The following NINJ2 variants were observed in gnomAD, a reference collection of about 807,000 sequenced individuals.
The protein encoded by NINJ2 is ninjurin-2.
In NINJ2, 12 loss-of-function variants were observed where a neutral mutation model predicts 11.7. The observed-to-expected ratio is 1.02, with a 90% confidence interval of 0.66 to 1.66. NINJ2 has a LOEUF of 1.66. Ranked by LOEUF, NINJ2 falls within the 40% of genes most tolerant of loss-of-function variation. The pLI is 0.00. For synonymous variants in NINJ2, 93 were observed against 76.8 expected, an observed-to-expected ratio of 1.21 and a Z score of -1.10; for missense variants, 187 against 181.8, an observed-to-expected ratio of 1.03 and a Z score of -0.16.
chr12:659,593 G>T (rs754673611), intron 1 of NINJ2, among the ~76,000 whole-genome samples: 2 of 152,222 alleles, frequency 1.3e-5, no homozygotes, highest in African/African-American at 4.8e-5. Flanking sequence ...AACAGAAGGA[G>T]CAGCTCCAGG....
intron 1 of NINJ2, among the ~76,000 whole-genome samples, chr12:652,903 C>T (rs1330517629): frequency 1.3e-4 from 19 of 148,768 alleles, no homozygotes; most frequent in East Asian, 5.9e-4. Flanking sequence ...GCCGAGATCA[C>T]GCCATTGCAC....
intron 1 of NINJ2, among the ~76,000 whole-genome samples, chr12:604,293 G>A (rs866107395): frequency 5.9e-5 from 9 of 152,198 alleles, no homozygotes; most frequent in African/African-American, 2.2e-4. Flanking sequence ...GACTGGAAGA[G>A]GAAATAAGTA....
At chr12:643,755 A>C in intron 1 of NINJ2, 5 of 805,292 alleles carry the variant, frequency 6.2e-6, no homozygotes, top group Non-Finnish European at 7.5e-6. Context: ...CCCTCACATC[A>C]TGGGAGCAGT....
chr12:572,715 C>A (rs559429155), intron 1 of NINJ2, among the ~76,000 whole-genome samples: 2 of 152,124 alleles, frequency 1.3e-5, no homozygotes, highest in Non-Finnish European at 2.9e-5. Context: ...GTAGTCCTCA[C>A]AACAGTTCTG....
intron 1 of NINJ2, among the ~76,000 whole-genome samples, chr12:606,219 C>G (rs1479705903): frequency 6.6e-6 from 1 of 151,480 alleles, no homozygotes; most frequent in Non-Finnish European, 1.5e-5. Flanking sequence ...GAAAAGAGAA[C>G]TCTTGGAAAC....
chr12:579,646 CT>C (rs1947519516), intron 1 of NINJ2, among the ~76,000 whole-genome samples: 1 of 152,174 alleles, frequency 6.6e-6, no homozygotes, highest in Non-Finnish European at 1.5e-5. Flanking sequence ...CCCACTCCCT[CT>C]TGTCACATGT....
rs538801901 is a variant in NINJ2, at chr12:621,389, G to A, written c.33+41939C>T. Among the ~76,000 whole-genome samples the A allele has an allele frequency of 2.0e-5, 3 of 151,888 alleles. No individual in the cohort carries two copies. In the East Asian group the frequency reaches 5.8e-4, roughly 29 times the overall value. On this transcript the variant is annotated intron_variant, in intron 1 of 3. Coordinates refer to ENST00000305108, the MANE Select transcript of NINJ2 (RefSeq NM_016533.6). ...GAATTGCTTGATCCTGAGAGTTTGA[G>A]GCTGTAGTGAGCTGTGATTGCACCA...
At chr12:583,680 T>C (rs1254769753) in intron 1 of NINJ2, among the ~76,000 whole-genome samples, 1 of 152,170 alleles carries the variant, frequency 6.6e-6, no homozygotes, top group African/African-American at 2.4e-5. Flanking sequence ...AAACCCTTCT[T>C]TTTTGCTGGG....
intron 1 of NINJ2, among the ~76,000 whole-genome samples, chr12:575,633 C>T (rs1290193529): frequency 1.3e-5 from 2 of 152,190 alleles, no homozygotes; most frequent in African/African-American, 2.4e-5. Flanking sequence ...CTTTAGCACA[C>T]GGACCCCATC....
intron 1 of NINJ2, among the ~76,000 whole-genome samples, chr12:569,463 T>G (rs1160007709): frequency 1.3e-5 from 2 of 152,192 alleles, no homozygotes; most frequent in Non-Finnish European, 2.9e-5. Context: ...GTGCCACCCC[T>G]CCTGTCTCTT....
rs1948235493 is a variant in NINJ2 at position 628,604 on chromosome 12, G to C, written c.33+34724C>G. Reference sequence around the variant, plus strand: ...ATAGGGGCTGGTAAAATGAGGCTGAGACCTGCTAGGTGGCATTCCCAGGAG... The same window carrying C: ...ATAGGGGCTGGTAAAATGAGGCTGACACCTGCTAGGTGGCATTCCCAGGAG... On this transcript the variant is annotated intron_variant, in intron 1 of 3. Transcript: ENST00000305108. The surrounding 1 kb of genome is among the most constrained non-coding windows in gnomAD (Gnocchi z 4.4). Among the ~76,000 whole-genome samples, 1 of 152,194 alleles carries C rather than the reference G, an allele frequency of 6.6e-6. No individual in the cohort carries two copies. The highest frequency in any genetic ancestry group is 2.4e-5 in the African/African-American group (1 of 41,446).
intron 1 of NINJ2, among the ~76,000 whole-genome samples, chr12:636,063 C>T (rs1042349567): frequency 1.3e-5 from 2 of 151,030 alleles, no homozygotes; most frequent in African/African-American, 4.9e-5. Context: ...GGCAACAGAG[C>T]GAGACTCTGT....
chr12:565,474 C>T, intron 2 of NINJ2, 73 bp from the exon 3 acceptor site: 3 of 1,486,478 alleles, frequency 2.0e-6, no homozygotes, highest in Non-Finnish European at 2.7e-6. Flanking sequence ...ACAACACCCA[C>T]CAGAGTTTGG....
At chr12:622,055 G>C (rs565930067) in intron 1 of NINJ2, among the ~76,000 whole-genome samples, 1 of 151,396 alleles carries the variant, frequency 6.6e-6, no homozygotes, top group Non-Finnish European at 1.5e-5. Flanking sequence ...CTGGGAGGCG[G>C]AGGCTGCAGT....
At chr12:624,522 T>C (rs1019613953) in intron 1 of NINJ2, among the ~76,000 whole-genome samples, 1 of 152,044 alleles carries the variant, frequency 6.6e-6, no homozygotes, top group Non-Finnish European at 1.5e-5. Flanking sequence ...ATAAAAAATA[T>C]ATATGGCCGG....
intron 1 of NINJ2, among the ~76,000 whole-genome samples, chr12:639,098 C>G (rs1948390426): frequency 6.6e-6 from 1 of 152,032 alleles, no homozygotes; most frequent in Non-Finnish European, 1.5e-5. Flanking sequence ...GAAACAAGGG[C>G]CTGGTCCATC....
At chr12:661,103 G>A (rs557821017) in intron 1 of NINJ2, among the ~76,000 whole-genome samples, 3 of 152,198 alleles carry the variant, frequency 2.0e-5, no homozygotes, top group Non-Finnish European at 4.4e-5. Flanking sequence ...TTTAGAGATA[G>A]GGTCTGGCTC....
At chr12:594,481 T>G (rs1467327909) in intron 1 of NINJ2, among the ~76,000 whole-genome samples, 5 of 152,070 alleles carry the variant, frequency 3.3e-5, no homozygotes, top group African/African-American at 1.2e-4. Context: ...ACTACAAAAC[T>G]CTGATGAAAG....
intron 1 of NINJ2, among the ~76,000 whole-genome samples, chr12:636,828 A>G (rs191144103): frequency 1.3e-3 from 200 of 152,340 alleles, no homozygotes; most frequent in African/African-American, 4.6e-3. Context: ...ACTGTGGAAA[A>G]CAGCTTGGCA....
Sources: gnomAD v4.1 joint callset for allele counts (sites outside exome capture counted in the v4.1 genomes callset) on GRCh38, gnomAD v4.1.1 for gene constraint, Gnocchi (gnomAD v3.1) non-coding constraint, MANE v1.5 for transcripts, NCBI Gene and HGNC (gene_info 2026-07-23, HGNC 2026-07-21) for gene names.